Variants in ARHGAP10 observed in about 807,000 individuals in gnomAD.
ARHGAP10 encodes the protein Rho GTPase activating protein 10.
Under a neutral mutation model 108.6 loss-of-function variants are expected in ARHGAP10, and 87 were observed. The observed-to-expected ratio is 0.80, with a 90% CI of 0.67 to 0.96. The LOEUF (loss-of-function observed/expected upper bound fraction) is 0.96, where lower values mean the gene tolerates loss of function less well. Among genes scored for constraint, ARHGAP10 ranks in the 40% least tolerant of loss-of-function variants. The pLI is 0.00. For synonymous variants in ARHGAP10, 347 were observed against 341.1 expected (o/e 1.02, Z -0.19); for missense variants, 939 against 954.5 (o/e 0.98, Z 0.21).
At chr4:147,759,398 A>G (rs952618282) in intron 1 of ARHGAP10, among the ~76,000 whole-genome samples, 26 of 152,330 alleles carry the variant, frequency 1.7e-4, no homozygotes, top group South Asian at 8.3e-4. Context: ...AAAATTTTCT[A>G]GTAACCCCAT....
At chr4:147,918,615 TC>T (rs1472742893) in intron 13 of ARHGAP10, among the ~76,000 whole-genome samples, 3 of 152,220 alleles carry the variant, frequency 2.0e-5, no homozygotes, top group Admixed American at 1.3e-4. Flanking sequence ...CCATCCCTGG[TC>T]TGGACTTAGG....
At chr4:147,876,353 G>A (rs1316077269) in intron 8 of ARHGAP10, among the ~76,000 whole-genome samples, 2 of 152,218 alleles carry the variant, frequency 1.3e-5, no homozygotes, top group Non-Finnish European at 2.9e-5. Context: ...AGCACTCTGG[G>A]AGGCCGAGGT....
chr4:147,835,873 G>A (rs1182242939), intron 3 of ARHGAP10, among the ~76,000 whole-genome samples: 1 of 152,128 alleles, frequency 6.6e-6, no homozygotes, highest in Non-Finnish European at 1.5e-5. Flanking sequence ...TTCTTCCCAA[G>A]TATTTATTTT....
At chr4:147,749,793 G>A (rs1461350469) in intron 1 of ARHGAP10, among the ~76,000 whole-genome samples, 3 of 152,102 alleles carry the variant, frequency 2.0e-5, no homozygotes, top group Non-Finnish European at 2.9e-5. Flanking sequence ...GAACTGAGAC[G>A]GTCAAACTAA....
At chr4:147,815,417 A>G (rs1027364052) in intron 1 of ARHGAP10, among the ~76,000 whole-genome samples, 10 of 152,128 alleles carry the variant, frequency 6.6e-5, no homozygotes, top group African/African-American at 2.2e-4. Context: ...GTTATTTTAC[A>G]TGGCAAAAGG....
At chr4:148,005,410 C>T (rs1740907463) in intron 18 of ARHGAP10, among the ~76,000 whole-genome samples, 1 of 151,830 alleles carries the variant, frequency 6.6e-6, no homozygotes, top group African/African-American at 2.4e-5. Context: ...ATAGCGAGAC[C>T]CCATCTCTAT....
intron 1 of ARHGAP10, among the ~76,000 whole-genome samples, chr4:147,757,228 T>C (rs959414961): frequency 2.0e-5 from 3 of 148,150 alleles, no homozygotes; most frequent in African/African-American, 7.5e-5. Flanking sequence ...AGAGTCTTGC[T>C]TTGTGGCCCA....
intron 19 of ARHGAP10, among the ~76,000 whole-genome samples, chr4:148,044,219 G>C (rs1012249677): frequency 3.3e-5 from 5 of 152,068 alleles, no homozygotes; most frequent in African/African-American, 9.7e-5. Flanking sequence ...AAGGATTAGA[G>C]GCAGTGTAAA....
chr4:147,749,305 A>G (rs1729051432), intron 1 of ARHGAP10, among the ~76,000 whole-genome samples: 1 of 152,228 alleles, frequency 6.6e-6, no homozygotes, highest in Admixed American at 6.5e-5. Context: ...AGATTAAAAT[A>G]CTTAATATTT....
At chr4:147,884,212 C>G (rs1735448972) in intron 10 of ARHGAP10, among the ~76,000 whole-genome samples, 3 of 152,096 alleles carry the variant, frequency 2.0e-5, no homozygotes, top group South Asian at 4.2e-4. Context: ...CTTGATCATG[C>G]CCAATTTTCT....
intron 19 of ARHGAP10, among the ~76,000 whole-genome samples, chr4:148,027,111 G>A (rs919192555): frequency 4.6e-5 from 7 of 152,172 alleles, no homozygotes; most frequent in African/African-American, 1.7e-4. Flanking sequence ...TTTAAGCAAA[G>A]GTCTGGGGAG....
chr4:147,788,781 C>T (rs1186493268), intron 1 of ARHGAP10, among the ~76,000 whole-genome samples: 2 of 152,168 alleles, frequency 1.3e-5, no homozygotes, highest in Non-Finnish European at 2.9e-5. Flanking sequence ...ATTATCAGTA[C>T]TTTAGCAGAT....
chr4:147,762,669 A>G (rs1241436248), intron 1 of ARHGAP10, among the ~76,000 whole-genome samples: 1 of 151,682 alleles, frequency 6.6e-6, no homozygotes, highest in Non-Finnish European at 1.5e-5. Flanking sequence ...AGCTGGGACT[A>G]CAGGTGCCTG....
chr4:147,763,499 A>G (rs1283458222), intron 1 of ARHGAP10, among the ~76,000 whole-genome samples: 2 of 151,822 alleles, frequency 1.3e-5, no homozygotes, highest in Admixed American at 6.6e-5. Flanking sequence ...TTTAGTAGAG[A>G]TGGGGTTTCA....
intron 19 of ARHGAP10, among the ~76,000 whole-genome samples, chr4:148,026,385 T>C (rs1727842196): frequency 6.6e-6 from 1 of 152,156 alleles, no homozygotes; most frequent in Non-Finnish European, 1.5e-5. Context: ...CTGGGAGACA[T>C]GTTTTCTGTT....
intron 20 of ARHGAP10, among the ~76,000 whole-genome samples, chr4:148,056,521 G>A (rs555077139): frequency 1.3e-5 from 2 of 152,192 alleles, no homozygotes; most frequent in Non-Finnish European, 2.9e-5. Flanking sequence ...CAGAGCTTCC[G>A]TAGACCCTTC....
intron 18 of ARHGAP10, among the ~76,000 whole-genome samples, chr4:147,971,635 C>T (rs780705566): frequency 5.9e-5 from 9 of 152,048 alleles, no homozygotes; most frequent in Non-Finnish European, 1.0e-4. Flanking sequence ...AGAGGAGGTA[C>T]GTGTTCTGGG....
chr4:147,923,983 CTG>C (rs1737349574), intron 13 of ARHGAP10, among the ~76,000 whole-genome samples: 1 of 152,204 alleles, frequency 6.6e-6, no homozygotes, highest in Non-Finnish European at 1.5e-5. Context: ...GAGTTTCTCT[CTG>C]TCTCTGTTTT....
Position 147,738,633 on chromosome 4 carries a change from A to G in ARHGAP10, c.154+6178A>G, listed in dbSNP as rs921263934. Among the ~76,000 whole-genome samples the G allele has an allele frequency of 9.2e-5, 14 of 152,340 alleles. No homozygotes were observed. The East Asian group carries it at 1.5e-3, about 17-fold the overall frequency. ...TGTTAATACATGTAAAGCATTTAGT[A>G]TAAGTGCTCAAAGGTTAACAATTAT... is the stretch of plus-strand genomic sequence containing the variant. On this transcript the variant is annotated intron_variant, in intron 1 of 22. Transcript: ENST00000336498.
Sources: allele counts gnomAD v4.1 joint callset (sites outside exome capture counted in the v4.1 genomes callset), GRCh38; gene constraint gnomAD v4.1.1; transcripts MANE v1.5; gene names NCBI Gene and HGNC (gene_info 2026-07-23, HGNC 2026-07-21).